TAOK3: variants seen among roughly 807,000 people sequenced by gnomAD.
The protein encoded by TAOK3 is TAO kinase 3.
Under a neutral mutation model 120.4 loss-of-function variants are expected in TAOK3, and 40 were observed. The ratio of observed to expected loss-of-function variants is 0.33; its 90% confidence interval spans 0.26 to 0.43. TAOK3 has a LOEUF of 0.43. Among genes scored for constraint, TAOK3 ranks in the 20% least tolerant of loss-of-function variants. The pLI is 1.00. For synonymous variants in TAOK3, 355 were observed against 387.5 expected (o/e 0.92, Z 0.99); for missense variants, 821 against 1,112.1 (o/e 0.74, Z 3.72).
chr12:118,285,531 T>A (rs1407408940), intron 1 of TAOK3, among the ~76,000 whole-genome samples: 1 of 151,656 alleles, frequency 6.6e-6, no homozygotes, highest in African/African-American at 2.4e-5. Flanking sequence ...TTTTCTATTT[T>A]TAGTAGAGAG....
At chr12:118,166,356 T>C (rs1362912686) in intron 17 of TAOK3, among the ~76,000 whole-genome samples, 1 of 152,062 alleles carries the variant, frequency 6.6e-6, no homozygotes, top group Non-Finnish European at 1.5e-5. Context: ...CTGGCCAACG[T>C]GGTTAAACCC....
In TAOK3 at chr12:118,364,445, T is replaced by C. The variant is rs182475472; in HGVS notation, c.-194+8203A>G. Among the ~76,000 whole-genome samples the C allele has an allele frequency of 2.6e-4, 40 of 152,290 alleles. No individual in the cohort carries two copies. The East Asian group carries it at 6.6e-3, about 25-fold the overall frequency. On this transcript the variant is annotated intron_variant, in intron 1 of 20. Transcript: ENST00000392533. ...TAGGTCATAGTGGTCTGGTTTACCA[T>C]GGTCTCTGTGACCTTTGGAAGTCAT... is the stretch of plus-strand genomic sequence containing the variant.
rs898104657 is a variant in TAOK3, at chr12:118,196,274, C to T, written c.1194+2777G>A. On this transcript the variant is annotated intron_variant, in intron 13 of 20. Transcript: ENST00000392533. ...CTGCTAAAATCAGGGCATCTTTATT[C>T]TGGAAGCAGAGCAGTTAAGTGCAAG... is the stretch of plus-strand genomic sequence containing the variant. Among the ~76,000 whole-genome samples the T allele has an allele frequency of 3.9e-5, 6 of 152,124 alleles. No homozygotes were observed. In the East Asian group the frequency reaches 9.7e-4, roughly 24 times the overall value.
chr12:118,345,060 A>G (rs1048889881), intron 1 of TAOK3, among the ~76,000 whole-genome samples: 3 of 152,180 alleles, frequency 2.0e-5, no homozygotes, highest in Non-Finnish European at 4.4e-5. Flanking sequence ...CTTATTAAGC[A>G]AAGTGTTAAA....
chr12:118,184,103 T>C (rs2036932118), intron 14 of TAOK3, among the ~76,000 whole-genome samples: 1 of 152,212 alleles, frequency 6.6e-6, no homozygotes, highest in African/African-American at 2.4e-5. Context: ...CTGCTATCAT[T>C]GTACACCACT....
At chr12:118,166,181 C>T (rs1199845101) in intron 17 of TAOK3, among the ~76,000 whole-genome samples, 1 of 152,166 alleles carries the variant, frequency 6.6e-6, no homozygotes, top group Non-Finnish European at 1.5e-5. Flanking sequence ...TACACAACTT[C>T]TATAAAGAGA....
chr12:118,185,061 G>T (rs2036992154), intron 14 of TAOK3, among the ~76,000 whole-genome samples: 1 of 150,674 alleles, frequency 6.6e-6, no homozygotes. Flanking sequence ...TGGTGATGGA[G>T]ACACAGAGCA....
chr12:118,159,257 G>A (rs2035050564), intron 19 of TAOK3, among the ~76,000 whole-genome samples: 1 of 151,492 alleles, frequency 6.6e-6, no homozygotes, highest in African/African-American at 2.4e-5. Context: ...GACGAGCTTA[G>A]TTAGTCCTAC....
intron 1 of TAOK3, among the ~76,000 whole-genome samples, chr12:118,323,154 A>G (rs1346619508): frequency 6.6e-6 from 1 of 152,230 alleles, no homozygotes; most frequent in Non-Finnish European, 1.5e-5. Context: ...AAAGAAAAAA[A>G]GTGTCATGAA....
intron 1 of TAOK3, among the ~76,000 whole-genome samples, chr12:118,322,350 T>C (rs1280654153): frequency 6.6e-6 from 1 of 150,392 alleles, no homozygotes; most frequent in Non-Finnish European, 1.5e-5. Context: ...AGAAAGACAC[T>C]GCGTTTGTTC....
chr12:118,305,134 A>G (rs2043004088), intron 1 of TAOK3, among the ~76,000 whole-genome samples: 1 of 152,180 alleles, frequency 6.6e-6, no homozygotes, highest in African/African-American at 2.4e-5. Flanking sequence ...GGATTTAATA[A>G]GATAGTGTAT....
At position 118,189,782 on chromosome 12, in the gene TAOK3, GGTGGGTA is replaced by G; in HGVS notation, c.1329+18_1329+24del. 1 of 1,613,572 alleles carries G rather than the reference GGTGGGTA, an allele frequency of 6.2e-7. No individual in the cohort carries two copies. Among genetic ancestry groups the G allele is most frequent in the Non-Finnish European group, 8.5e-7 (1 of 1,179,578 alleles). On this transcript the variant is annotated intron_variant, in intron 14 of 20. Transcript: ENST00000392533. ...ATGGGGAGGAGGGGAAGGAAGGGAA[GGTGGGTA>G]GAGGGGTGTTTGCTTACCAAAGATG...
intron 1 of TAOK3, among the ~76,000 whole-genome samples, chr12:118,269,227 T>C (rs1422766575): frequency 6.6e-6 from 1 of 151,780 alleles, no homozygotes; most frequent in African/African-American, 2.4e-5. Context: ...AGTGGCGAGA[T>C]TTCAGCTCAC....
At chr12:118,293,666 T>A (rs1206805601) in intron 1 of TAOK3, among the ~76,000 whole-genome samples, 2 of 136,218 alleles carry the variant, frequency 1.5e-5, no homozygotes, top group African/African-American at 5.5e-5. Context: ...AGAGCGAGAC[T>A]CTGTCTCAAA....
In TAOK3 at chr12:118,274,550, T is replaced by C. The variant is rs1430234080; in HGVS notation, c.-193-7791A>G. Among the ~76,000 whole-genome samples the C allele has an allele frequency of 3.9e-5, 6 of 152,158 alleles. No individual in the cohort carries two copies. The East Asian group carries it at 7.7e-4, about 20-fold the overall frequency. ...GATTTCTTATGGAGTATTATTTTCT[T>C]CCTCCCTTAATAAAAAGAGGTTTAA... is the stretch of plus-strand genomic sequence containing the variant. On this transcript the variant is annotated intron_variant, in intron 1 of 20. Transcript: ENST00000392533.
intron 1 of TAOK3, among the ~76,000 whole-genome samples, chr12:118,290,858 T>C (rs770205024): frequency 2.6e-5 from 4 of 152,112 alleles, no homozygotes; most frequent in Admixed American, 6.5e-5. Flanking sequence ...CTTGTTGAAC[T>C]ATACCATCAT....
At chr12:118,223,942 T>G (rs766865434) in intron 9 of TAOK3, among the ~76,000 whole-genome samples, 56 of 152,100 alleles carry the variant, frequency 3.7e-4, no homozygotes, top group Non-Finnish European at 6.5e-4. Context: ...GCCCAGCCCA[T>G]AAGGTTTCTT....
intron 1 of TAOK3, among the ~76,000 whole-genome samples, chr12:118,358,170 CA>C (rs906414604): frequency 1.6e-4 from 24 of 150,246 alleles, no homozygotes; most frequent in African/African-American, 5.1e-4. Flanking sequence ...GATGACATGT[CA>C]AAAAAAAAGT....
At chr12:118,337,377 A>T (rs1196537014) in intron 1 of TAOK3, among the ~76,000 whole-genome samples, 1 of 152,246 alleles carries the variant, frequency 6.6e-6, no homozygotes, top group Non-Finnish European at 1.5e-5. Context: ...AACCAAACAC[A>T]TAATTACCAT....
Sources: gnomAD v4.1 joint callset for allele counts (sites outside exome capture counted in the v4.1 genomes callset) on GRCh38, gnomAD v4.1.1 for gene constraint, MANE v1.5 for transcripts, NCBI Gene and HGNC (gene_info 2026-07-23, HGNC 2026-07-21) for gene names.